Variants in CDC27 observed in about 807,000 individuals in gnomAD.
The protein encoded by CDC27 is cell division cycle 27, also known as cell division cycle protein 27 homolog.
In CDC27, 27 loss-of-function variants were observed where a neutral mutation model predicts 109.7. The observed-to-expected ratio is 0.25, with a 90% CI of 0.18 to 0.34. The LOEUF (loss-of-function observed/expected upper bound fraction) is 0.34, where lower values mean the gene tolerates loss of function less well. CDC27 is among the 10% of genes least tolerant of loss of function. The probability of loss-of-function intolerance (pLI) is 1.00; values close to 1 mark genes in which losing one functional copy is unlikely to be tolerated. For missense variants in CDC27, 579 were observed against 960.2 expected, an observed-to-expected ratio of 0.60 and a Z score of 5.25; for synonymous variants, 266 against 333.9, an observed-to-expected ratio of 0.80 and a Z score of 2.22.
At chr17:47,157,927 G>T (rs933016235) in intron 5 of CDC27, among the ~76,000 whole-genome samples, 1 of 152,156 alleles carries the variant, frequency 6.6e-6, no homozygotes, top group Non-Finnish European at 1.5e-5. Context: ...AATTTTGCTA[G>T]TGTTAAACAC....
chr17:47,149,483 C>T (rs2148892148), intron 9 of CDC27, among the ~76,000 whole-genome samples: 1 of 141,922 alleles, frequency 7.0e-6, no homozygotes, highest in Admixed American at 7.5e-5. Flanking sequence ...TGCACTTCAG[C>T]CTGGTGACAG....
intron 9 of CDC27, 71 bp downstream of exon 9, chr17:47,151,735 G>T: frequency 1.6e-6 from 2 of 1,228,754 alleles, no homozygotes; most frequent in Non-Finnish European, 1.1e-6. Flanking sequence ...GTCACTATCT[G>T]CCTAAATTAA....
Position 47,142,305 on chromosome 17 carries a change from A to G in CDC27, c.1302T>C (p.Ser434=). Residue 434 remains serine, a synonymous_variant, in exon 11 of 19, where the codon TCT becomes TCC. Transcript: ENST00000066544. ...ATATTTTCCCTTCTGAAATGATGGA[A>G]GAGTCCAATTTTGTAATTTCCAGGC... is the stretch of plus-strand genomic sequence containing the variant. The part of the protein sequence containing the change: ...NDSLEITKLD[S]SIISEGKIST... 6.3e-7 allele frequency: 1 copy of G among 1,592,530 alleles called. No individual in the cohort carries two copies. Among genetic ancestry groups the G allele is most frequent in the South Asian group, 1.1e-5 (1 of 89,682 alleles).
intron 2 of CDC27, among the ~76,000 whole-genome samples, chr17:47,175,802 C>A (rs955670525): frequency 6.6e-6 from 1 of 151,958 alleles, no homozygotes; most frequent in Non-Finnish European, 1.5e-5. Flanking sequence ...GGCAACAGAG[C>A]GAGACTCTGT....
intron 9 of CDC27, among the ~76,000 whole-genome samples, chr17:47,146,318 G>T (rs1397033968): frequency 6.6e-6 from 1 of 152,216 alleles, no homozygotes; most frequent in African/African-American, 2.4e-5. Flanking sequence ...AATGTGGGTG[G>T]CCTGGGGAAC....
At chr17:47,176,001 C>A (rs547670967) in intron 2 of CDC27, among the ~76,000 whole-genome samples, 3 of 151,470 alleles carry the variant, frequency 2.0e-5, no homozygotes, top group Non-Finnish European at 2.9e-5. Flanking sequence ...ATTTTTTTTT[C>A]ATCCGGTAAG....
chr17:47,124,554 G>A (rs1369471442), intron 16 of CDC27, among the ~76,000 whole-genome samples: 1 of 152,144 alleles, frequency 6.6e-6, no homozygotes, highest in Non-Finnish European at 1.5e-5. Flanking sequence ...AAAGTGCTGG[G>A]ATTACAGGCG....
At chr17:47,134,595 T>G (rs2062513568) in intron 14 of CDC27, among the ~76,000 whole-genome samples, 1 of 151,698 alleles carries the variant, frequency 6.6e-6, no homozygotes, top group Admixed American at 6.6e-5. Context: ...CCTGCCTCAG[T>G]CTCCCAAGCA....
intron 4 of CDC27, among the ~76,000 whole-genome samples, chr17:47,160,676 C>T (rs1432729499): frequency 6.6e-6 from 1 of 152,116 alleles, no homozygotes; most frequent in Non-Finnish European, 1.5e-5. Flanking sequence ...GCAATTCTTC[C>T]AAAATTCTAA....
intron 2 of CDC27, among the ~76,000 whole-genome samples, chr17:47,176,497 A>G (rs2148985016): frequency 6.6e-6 from 1 of 152,356 alleles, no homozygotes; most frequent in East Asian, 1.9e-4. Flanking sequence ...TAAAAAGACC[A>G]CAAATAAAAG....
At chr17:47,159,288 G>A (rs1005490539) in intron 4 of CDC27, 7 of 589,676 alleles carry the variant, frequency 1.2e-5, no homozygotes, top group Non-Finnish European at 1.7e-5. Context: ...GGGAGACTTG[G>A]TGAATACAGT....
intron 16 of CDC27, among the ~76,000 whole-genome samples, chr17:47,127,160 G>A (rs2062167772): frequency 6.6e-6 from 1 of 152,134 alleles, no homozygotes; most frequent in African/African-American, 2.4e-5. Context: ...GCTTATGCCT[G>A]TAGTCCTGGG....
chr17:47,140,239 A>G (rs2062754337), intron 12 of CDC27, among the ~76,000 whole-genome samples: 1 of 152,170 alleles, frequency 6.6e-6, no homozygotes, highest in African/African-American at 2.4e-5. Context: ...CAGCCTCCCA[A>G]GTAGCTGGGA....
At chr17:47,186,042 T>C (rs967500767) in intron 1 of CDC27, among the ~76,000 whole-genome samples, 1 of 152,188 alleles carries the variant, frequency 6.6e-6, no homozygotes, top group Non-Finnish European at 1.5e-5. Context: ...ATGTCAATAG[T>C]GCTCAGATTA....
chr17:47,153,638 C>T (rs959248224), intron 8 of CDC27, among the ~76,000 whole-genome samples: 1 of 152,150 alleles, frequency 6.6e-6, no homozygotes, highest in African/African-American at 2.4e-5. Flanking sequence ...GTTTAGCTTC[C>T]ATTTCTTGAA....
chr17:47,181,524 T>C lies in CDC27; in HGVS notation c.103+38A>G, dbSNP rs375494003. On this transcript the variant is annotated intron_variant, in intron 2 of 18. Transcript: ENST00000066544. ...AAGTTATGGAATTTCATATATGTTATTCATTTATCATTCTACAGCAATGAA... is the reference window on the plus strand; with the variant it reads ...AAGTTATGGAATTTCATATATGTTACTCATTTATCATTCTACAGCAATGAA... 5.5e-5 allele frequency: 62 copies of C among 1,121,064 alleles called. No homozygotes were observed. In the African/African-American group the frequency reaches 9.0e-4, roughly 16 times the overall value. 69.4% of individuals were successfully genotyped at this position (1,121,064 alleles called of 1,614,324 possible).
rs1326194535 is a variant in CDC27 at position 47,117,958 on chromosome 17, A to G, written c.*2977T>C. On this transcript the variant is annotated 3_prime_UTR_variant, in exon 19 of 19. Coordinates refer to ENST00000066544, the MANE Select transcript of CDC27 (RefSeq NM_001256.6). ...AAAGTAACTTATTTGGATTTTCCAT[A>G]TCCTTTAATGAATTGCAAATATATT... 1 of 152,208 alleles carries G rather than the reference A, an allele frequency of 6.6e-6. No homozygotes were observed. Among genetic ancestry groups the G allele is most frequent in the Non-Finnish European group, 1.5e-5 (1 of 68,032 alleles). The allele number at this position is 152,208 out of a possible 1,614,324, so 9.4% of individuals were successfully genotyped here.
intron 8 of CDC27, among the ~76,000 whole-genome samples, chr17:47,153,101 A>G (rs1388139349): frequency 6.6e-6 from 1 of 152,244 alleles, no homozygotes; most frequent in Non-Finnish European, 1.5e-5. Context: ...TCCAAGGGAC[A>G]AAAGTCAACT....
intron 4 of CDC27, among the ~76,000 whole-genome samples, chr17:47,160,227 C>CTT (rs759655850): frequency 1.3e-4 from 17 of 135,660 alleles, no homozygotes; most frequent in Admixed American, 2.3e-4. Flanking sequence ...GCCTCTCTAG[C>CTT]TTTTTTTTTT....
Sources: gnomAD v4.1 joint callset for allele counts (sites outside exome capture counted in the v4.1 genomes callset) on GRCh38, gnomAD v4.1.1 for gene constraint, MANE v1.5 for transcripts, NCBI Gene and HGNC (gene_info 2026-07-23, HGNC 2026-07-21) for gene names.